The following VGLL3 variants were observed in gnomAD, a reference collection of about 807,000 sequenced individuals.
VGLL3 encodes the protein vestigial like family member 3.
A neutral mutation model predicts 29.2 loss-of-function variants in VGLL3; 18 were observed. The ratio of observed to expected loss-of-function variants is 0.62; its 90% CI spans 0.43 to 0.91. VGLL3 has a LOEUF of 0.91. VGLL3 is among the 40% of genes least tolerant of loss of function. The probability of loss-of-function intolerance (pLI) is 0.00; values close to 1 mark genes in which losing one functional copy is unlikely to be tolerated. For synonymous variants in VGLL3, 180 were observed against 151.8 expected (o/e 1.19, Z -1.36); for missense variants, 440 against 413.2 (o/e 1.06, Z -0.56).
At chr3:86,949,337 G>T (rs1054742309) in intron 3 of VGLL3, among the ~76,000 whole-genome samples, 1 of 152,014 alleles carries the variant, frequency 6.6e-6, no homozygotes, top group Non-Finnish European at 1.5e-5. Flanking sequence ...ATCTTAAAAA[G>T]TCAATTCCTC....
chr3:86,967,707 A>T (rs1704993045), intron 3 of VGLL3, among the ~76,000 whole-genome samples: 1 of 152,188 alleles, frequency 6.6e-6, no homozygotes, highest in African/African-American at 2.4e-5. Context: ...GGGACCCACT[A>T]CTTTGGACTC....
chr3:86,957,843 C>T (rs922216904), intron 3 of VGLL3, among the ~76,000 whole-genome samples: 1 of 151,982 alleles, frequency 6.6e-6, no homozygotes, highest in Non-Finnish European at 1.5e-5. Flanking sequence ...TGCATACATA[C>T]AAATATGTAC....
intron 2 of VGLL3, among the ~76,000 whole-genome samples, chr3:86,973,934 A>G (rs570728795): frequency 6.6e-6 from 1 of 152,168 alleles, no homozygotes; most frequent in African/African-American, 2.4e-5. Context: ...GCCCTTTTCT[A>G]CAGATACACA....
At chr3:86,988,745 C>CCTATGG (rs1161298470) in intron 1 of VGLL3, among the ~76,000 whole-genome samples, 3 of 60,322 alleles carry the variant, frequency 5.0e-5, no homozygotes, top group Non-Finnish European at 1.3e-4. Flanking sequence ...CAAGCACCTC[C>CCTATGG]CTATGGCTCA....
rs1027786623 is a variant in VGLL3, at chr3:86,943,907, G to C, written c.*3117C>G. 2.0e-5 allele frequency: 3 copies of C among 152,052 alleles called. No homozygotes were observed. Among genetic ancestry groups the C allele is most frequent in the African/African-American group, 7.2e-5 (3 of 41,392 alleles). 9.4% of individuals were successfully genotyped at this position (152,052 alleles called of 1,614,324 possible). On this transcript the variant is annotated 3_prime_UTR_variant, in exon 4 of 4. Coordinates refer to ENST00000398399, the MANE Select transcript of VGLL3 (RefSeq NM_016206.4). Reference sequence around the variant, plus strand: ...TATTTAGAAAGCTTGAATAAAATCTGATTTGTAAAATCAGACAAAAGTCAC... The same window carrying C: ...TATTTAGAAAGCTTGAATAAAATCTCATTTGTAAAATCAGACAAAAGTCAC...
Position 86,939,055 on chromosome 3 carries a change from G to C in VGLL3, c.*7969C>G, listed in dbSNP as rs1367454749. 1 of 152,192 alleles carries C rather than the reference G, an allele frequency of 6.6e-6. No homozygotes were observed. Among genetic ancestry groups the C allele is most frequent in the Admixed American group, 6.5e-5 (1 of 15,270 alleles). 9.4% of individuals were successfully genotyped at this position (152,192 alleles called of 1,614,324 possible). ...AGTAACACATAACCCTTTGGATTCT[G>C]AAGCACTATAATAACTACATGAAAC... On this transcript the variant is annotated 3_prime_UTR_variant, in exon 4 of 4. Transcript: ENST00000398399.
chr3:86,957,304 C>T (rs1704744934), intron 3 of VGLL3, among the ~76,000 whole-genome samples: 1 of 152,164 alleles, frequency 6.6e-6, no homozygotes, highest in South Asian at 2.1e-4. Flanking sequence ...AGTATCACAG[C>T]TAATCTTCAA....
In VGLL3 at chr3:86,973,824, C is replaced by A. The variant is rs547605393; in HGVS notation, c.404-4701G>T. Among the ~76,000 whole-genome samples the A allele has an allele frequency of 6.6e-5, 10 of 152,262 alleles. No homozygotes were observed. In the South Asian group the frequency reaches 2.1e-3, roughly 32 times the overall value. On this transcript the variant is annotated intron_variant, in intron 2 of 3. Coordinates refer to ENST00000398399, the MANE Select transcript of VGLL3 (RefSeq NM_016206.4). Reference sequence around the variant, plus strand: ...AGCAGACCCTATGTACATCAATGAGCCAACAGATGATTTTCTTTGCAACTG... The same window carrying A: ...AGCAGACCCTATGTACATCAATGAGACAACAGATGATTTTCTTTGCAACTG...
chr3:86,986,626 T>C lies in VGLL3; in HGVS notation c.126+3992A>G, dbSNP rs1193540113. Among the ~76,000 whole-genome samples the C allele has an allele frequency of 2.0e-5, 3 of 152,182 alleles. No homozygotes were observed. In the East Asian group the frequency reaches 5.8e-4, roughly 29 times the overall value. On this transcript the variant is annotated intron_variant, in intron 1 of 3. Coordinates refer to ENST00000398399, the MANE Select transcript of VGLL3 (RefSeq NM_016206.4). ...TACTTACAGTTGCAAGAAAAATAGA[T>C]CCTCTGCCTCAAATAAGTTGTCTGT...
intron 2 of VGLL3, among the ~76,000 whole-genome samples, chr3:86,974,284 A>AT: frequency 6.6e-6 from 1 of 151,936 alleles, no homozygotes; most frequent in East Asian, 1.9e-4. Flanking sequence ...TGCCTGGCTA[A>AT]TTTTTTGTGT....
chr3:86,984,476 G>T (rs766816394), intron 1 of VGLL3, among the ~76,000 whole-genome samples: 1 of 152,136 alleles, frequency 6.6e-6, no homozygotes, highest in Non-Finnish European at 1.5e-5. Flanking sequence ...AAAAAAATGT[G>T]CCACAGGCTT....
At chr3:86,972,639 A>G (rs1403587411) in intron 2 of VGLL3, among the ~76,000 whole-genome samples, 1 of 152,212 alleles carries the variant, frequency 6.6e-6, no homozygotes, top group Non-Finnish European at 1.5e-5. Flanking sequence ...TGGATGAAGA[A>G]GACATATGAA....
chr3:86,953,089 T>C (rs1704648160), intron 3 of VGLL3, among the ~76,000 whole-genome samples: 2 of 152,124 alleles, frequency 1.3e-5, no homozygotes, highest in South Asian at 4.1e-4. Context: ...CAGGTGAATA[T>C]CAAGATTAAT....
At chr3:86,973,998 G>T (rs1204932783) in intron 2 of VGLL3, among the ~76,000 whole-genome samples, 4 of 152,148 alleles carry the variant, frequency 2.6e-5, no homozygotes, top group African/African-American at 9.7e-5. Flanking sequence ...CCAATGTTTA[G>T]CGCTGTGCTA....
At chr3:86,958,030 A>G (rs1704758894) in intron 3 of VGLL3, among the ~76,000 whole-genome samples, 2 of 152,256 alleles carry the variant, frequency 1.3e-5, no homozygotes, top group South Asian at 4.1e-4. Flanking sequence ...ACAAATATGC[A>G]CACTTTTTTG....
intron 2 of VGLL3, among the ~76,000 whole-genome samples, chr3:86,970,455 A>G (rs1575872098): frequency 6.7e-6 from 1 of 148,814 alleles, no homozygotes; most frequent in Non-Finnish European, 1.5e-5. Flanking sequence ...GGATCAGCAC[A>G]TAAGAAAAGG....
chr3:86,966,722 C>T (rs1264280558), intron 3 of VGLL3, among the ~76,000 whole-genome samples: 1 of 136,366 alleles, frequency 7.3e-6, no homozygotes, highest in Non-Finnish European at 1.5e-5. Context: ...ATGAAACTAA[C>T]AAGGTCTATC....
At chr3:86,959,340 A>G (rs1294977258) in intron 3 of VGLL3, among the ~76,000 whole-genome samples, 2 of 152,314 alleles carry the variant, frequency 1.3e-5, no homozygotes, top group East Asian at 3.9e-4. Flanking sequence ...AATCATTTAT[A>G]CAGATTACTA....
chr3:86,985,918 A>G (rs982117846), intron 1 of VGLL3, among the ~76,000 whole-genome samples: 1 of 152,172 alleles, frequency 6.6e-6, no homozygotes, highest in Non-Finnish European at 1.5e-5. Context: ...AATGACAGTC[A>G]CCTAGCTTAC....
Sources: allele counts gnomAD v4.1 joint callset (sites outside exome capture counted in the v4.1 genomes callset), GRCh38; gene constraint gnomAD v4.1.1; transcripts MANE v1.5; gene names NCBI Gene and HGNC (gene_info 2026-07-23, HGNC 2026-07-21).